The following MAP3K3 variants were observed in gnomAD, a reference collection of about 807,000 sequenced individuals.
The protein encoded by MAP3K3 is MAP/ERK kinase kinase 3.
A neutral mutation model predicts 80.9 loss-of-function variants in MAP3K3; 12 were observed. That is an observed-to-expected ratio of 0.15 (90% CI 0.10 to 0.24). MAP3K3 has a LOEUF of 0.24. MAP3K3 is among the 10% of genes least tolerant of loss of function. The probability of loss-of-function intolerance (pLI) is 1.00; values close to 1 mark genes in which losing one functional copy is unlikely to be tolerated. For missense variants in MAP3K3, 596 were observed against 834.7 expected (o/e 0.71, Z 3.52); for synonymous variants, 272 against 307.1 (o/e 0.89, Z 1.19).
In MAP3K3 at chr17:63,652,549, C is replaced by A. The variant is rs1410816834; in HGVS notation, c.168-8C>A. 6.2e-7 allele frequency: 1 copy of A among 1,604,066 alleles called. No individual in the cohort carries two copies. Among genetic ancestry groups the A allele is most frequent in the Non-Finnish European group, 8.5e-7 (1 of 1,171,194 alleles). On this transcript the variant is annotated splice_polypyrimidine_tract_variant and splice_region_variant and intron_variant, in intron 3 of 15. Transcript: ENST00000361733. ...AATTAACCAACCTTTCTTTCTGTTT[C>A]TTTTCAGAATTATAGCGTTCAGCCG...
Position 63,681,831 on chromosome 17 carries a change from G to A in MAP3K3, c.568G>A (p.Ala190Thr). The change falls in exon 7 of 16, where the codon GCC becomes ACC. Residue 190 changes from alanine (A) to threonine (T), a missense_variant. Transcript: ENST00000361733. Reference protein sequence around the residue: ...GYVPERQQHIARQGSYTSINS... With the variant: ...GYVPERQQHITRQGSYTSINS... ...TGTTCCTGAGCGGCAGCAGCACATT[G>A]CCCGGCAGGGGTCCTACACCAGCAT... The A allele has an allele frequency of 6.5e-7, 1 of 1,548,940 alleles. No homozygotes were observed. The highest frequency in any genetic ancestry group is 8.7e-7 in the Non-Finnish European group (1 of 1,143,294).
At chr17:63,661,832 G>A (rs1379858676) in intron 5 of MAP3K3, among the ~76,000 whole-genome samples, 4 of 152,168 alleles carry the variant, frequency 2.6e-5, no homozygotes, top group African/African-American at 9.7e-5. Context: ...GGCCGGGCGC[G>A]GTGGCTCACG....
At chr17:63,660,758 A>T (rs1330322855) in intron 5 of MAP3K3, among the ~76,000 whole-genome samples, 1 of 150,842 alleles carries the variant, frequency 6.6e-6, no homozygotes, top group Non-Finnish European at 1.5e-5. Flanking sequence ...ACAACCGCCT[A>T]ATTTTGTATT....
intron 1 of MAP3K3, among the ~76,000 whole-genome samples, chr17:63,625,964 C>G (rs1258715448): frequency 6.6e-6 from 1 of 152,000 alleles, no homozygotes; most frequent in African/African-American, 2.4e-5. Context: ...TCCCAGTTAC[C>G]CAGGAGACCG....
chr17:63,646,122 C>T (rs372488037), intron 3 of MAP3K3, 48 bp downstream of exon 3: 91 of 1,551,434 alleles, frequency 5.9e-5, no homozygotes, highest in Non-Finnish European at 6.9e-5. Context: ...TGCCAAAGTT[C>T]TCAGATAGCA....
chr17:63,692,159 G>A lies in MAP3K3; in HGVS notation c.1475-83G>A. On this transcript the variant is annotated intron_variant, in intron 14 of 15. Coordinates refer to ENST00000361733, the MANE Select transcript of MAP3K3 (RefSeq NM_002401.5). The surrounding 1 kb of genome is among the most constrained non-coding windows in gnomAD (Gnocchi z 4.5). The stretch of plus-strand genomic sequence containing the variant: ...AGTGGTAGCCCTGCCCTCTCCAGCA[G>A]CTCTCAGTGACCCGGGGGTGGGGAG... 6.6e-7 allele frequency: 1 copy of A among 1,507,558 alleles called. No homozygotes were observed. 93.4% of individuals were successfully genotyped at this position (1,507,558 alleles called of 1,614,324 possible). A position where few individuals can be genotyped will look rare whatever the true frequency, so the allele number is the denominator to read the frequency against.
chr17:63,641,332 TC>T (rs1175742665), intron 2 of MAP3K3, among the ~76,000 whole-genome samples: 2 of 151,774 alleles, frequency 1.3e-5, no homozygotes, highest in East Asian at 1.9e-4. Flanking sequence ...AACCTCCACT[TC>T]CTGGGTTCAA....
Position 63,693,901 on chromosome 17 carries a change from C to A in MAP3K3, c.*124C>A. ...GACCATGGAGTGGCAGCCCAGCCAG[C>A]GTCGGTCTGTGCCCCTTCCGCCACT... is the stretch of plus-strand genomic sequence containing the variant. On this transcript the variant is annotated 3_prime_UTR_variant, in exon 16 of 16. Transcript: ENST00000361733. The surrounding 1 kb of genome is among the most constrained non-coding windows in gnomAD (Gnocchi z 4.2). The A allele has an allele frequency of 1.2e-6, 1 of 846,038 alleles. No individual in the cohort carries two copies. Among genetic ancestry groups the A allele is most frequent in the East Asian group, 2.9e-5 (1 of 34,874 alleles). The allele number at this position is 846,038 out of a possible 1,614,324, so 52.4% of individuals were successfully genotyped here. A position where few individuals can be genotyped will look rare whatever the true frequency, so the allele number is the denominator to read the frequency against.
chr17:63,648,385 AAGG>A, intron 3 of MAP3K3, among the ~76,000 whole-genome samples: 1 of 152,296 alleles, frequency 6.6e-6, no homozygotes, highest in South Asian at 2.1e-4. Context: ...GGCCTTGAAG[AAGG>A]AGGGGTATGA....
chr17:63,626,264 C>G lies in MAP3K3; in HGVS notation c.4+3501C>G, dbSNP rs149002560. Among the ~76,000 whole-genome samples, 1,226 of 152,244 alleles carry G rather than the reference C, an allele frequency of 8.1e-3. 22 individuals are homozygous for G. Among genetic ancestry groups the G allele is most frequent in the African/African-American group, 0.028 (1,145 of 41,526 alleles). On this transcript the variant is annotated intron_variant, in intron 1 of 15. Transcript: ENST00000361733. ...CCTATGTGCCAGGCATAGTATTAAG[C>G]CCTGTGCCTGTGTTATCCTGTCCTC...
At chr17:63,632,136 C>G (rs1054497658) in intron 1 of MAP3K3, among the ~76,000 whole-genome samples, 5 of 152,128 alleles carry the variant, frequency 3.3e-5, no homozygotes, top group African/African-American at 9.7e-5. Flanking sequence ...GAGCGTGTCC[C>G]TTCCCTGCAA....
chr17:63,679,008 A>G (rs1190045682), intron 6 of MAP3K3, among the ~76,000 whole-genome samples: 1 of 152,220 alleles, frequency 6.6e-6, no homozygotes, highest in Admixed American at 6.5e-5. Context: ...CAGCCTGGGC[A>G]ACAGAGCAAG....
In MAP3K3 at chr17:63,689,677, G is replaced by T. The variant is rs2035541854; in HGVS notation, c.1005G>T (p.Leu335=). 6.2e-7 allele frequency: 1 copy of T among 1,613,848 alleles called. No individual in the cohort carries two copies. Among genetic ancestry groups the T allele is most frequent in the African/African-American group, 1.3e-5 (1 of 74,906 alleles). Reference sequence around the variant, plus strand: ...AATACCTGGACCCCCGTGGGCGCCTGCGGAGTGCGGACAGCGAGAATGCCC... The same window carrying T: ...AATACCTGGACCCCCGTGGGCGCCTTCGGAGTGCGGACAGCGAGAATGCCC... The part of the protein sequence containing the change: ...AVQYLDPRGR[L]RSADSENALS... The change falls in exon 11 of 16, where the codon CTG becomes CTT. Residue 335 remains leucine, a synonymous_variant. Transcript: ENST00000361733. The surrounding 1 kb of genome is among the most constrained non-coding windows in gnomAD (Gnocchi z 4.3).
chr17:63,635,316 G>A lies in MAP3K3; in HGVS notation c.126+2514G>A, dbSNP rs1434172108. ...CTGTACATTGTGATAAGCTAATAATGGGAATCCTACCTAAGATTTCTGTTT... is the reference window on the plus strand; with the variant it reads ...CTGTACATTGTGATAAGCTAATAATAGGAATCCTACCTAAGATTTCTGTTT... On this transcript the variant is annotated intron_variant, in intron 2 of 15. Transcript: ENST00000361733. 2.6e-5 allele frequency among the ~76,000 whole-genome samples: 4 copies of A among 152,264 alleles called. No individual in the cohort carries two copies. In the East Asian group the frequency reaches 7.7e-4, roughly 29 times the overall value.
At chr17:63,650,263 T>G (rs1263779171) in intron 3 of MAP3K3, among the ~76,000 whole-genome samples, 1 of 152,230 alleles carries the variant, frequency 6.6e-6, no homozygotes, top group Non-Finnish European at 1.5e-5. Flanking sequence ...TTGATATTTG[T>G]TTAACTTTGT....
intron 1 of MAP3K3, among the ~76,000 whole-genome samples, chr17:63,628,010 A>G (rs2034138196): frequency 6.6e-6 from 1 of 150,542 alleles, no homozygotes; most frequent in African/African-American, 2.4e-5. Flanking sequence ...GGTTCAAGCT[A>G]TTCCCATGCC....
chr17:63,630,805 G>A (rs958650068), intron 1 of MAP3K3, among the ~76,000 whole-genome samples: 1 of 152,068 alleles, frequency 6.6e-6, no homozygotes, highest in Non-Finnish European at 1.5e-5. Context: ...ACATACTTTT[G>A]TATATGTTTT....
chr17:63,693,943 G>A lies in MAP3K3; in HGVS notation c.*166G>A. 1 of 584,856 alleles carries A rather than the reference G, an allele frequency of 1.7e-6. No individual in the cohort carries two copies. Among genetic ancestry groups the A allele is most frequent in the Non-Finnish European group, 2.9e-6 (1 of 344,806 alleles). The allele number at this position is 584,856 out of a possible 1,614,324, so 36.2% of individuals were successfully genotyped here. ...TCCGCCACTGGGGCTCAGAGCCGGG[G>A]TGGGGTGGCTGCAGCCTCAGGACTG... On this transcript the variant is annotated 3_prime_UTR_variant, in exon 16 of 16. Coordinates refer to ENST00000361733, the MANE Select transcript of MAP3K3 (RefSeq NM_002401.5). This position sits in a 1 kb window ranked among gnomAD's most constrained non-coding sequence, Gnocchi z 4.2.
At chr17:63,649,191 C>G (rs914922141) in intron 3 of MAP3K3, among the ~76,000 whole-genome samples, 3 of 152,102 alleles carry the variant, frequency 2.0e-5, no homozygotes, top group Non-Finnish European at 4.4e-5. Flanking sequence ...AATCCCAGCA[C>G]TTTGGGAGGC....
Sources: gnomAD v4.1 joint callset for allele counts (sites outside exome capture counted in the v4.1 genomes callset) on GRCh38, gnomAD v4.1.1 for gene constraint, Gnocchi (gnomAD v3.1) non-coding constraint, MANE v1.5 for transcripts, NCBI Gene and HGNC (gene_info 2026-07-23, HGNC 2026-07-21) for gene names.